The following COL22A1 variants were observed in gnomAD, a reference collection of about 807,000 sequenced individuals.
The protein encoded by COL22A1 is collagen type XXII alpha 1 chain.
In COL22A1, 221 loss-of-function variants were observed where a neutral mutation model predicts 248.9. The observed-to-expected ratio is 0.89, with a 90% CI of 0.80 to 0.99. The LOEUF is 0.99. Among genes scored for constraint, COL22A1 ranks in the 50% least tolerant of loss-of-function variants. The probability of loss-of-function intolerance (pLI) is 0.00; values close to 1 mark genes in which losing one functional copy is unlikely to be tolerated. For synonymous variants in COL22A1, 891 were observed against 793.4 expected (o/e 1.12, Z -2.07); for missense variants, 2,240 against 2,179.0 (o/e 1.03, Z -0.56).
intron 2 of COL22A1, among the ~76,000 whole-genome samples, chr8:138,882,568 A>G (rs1586957279): frequency 6.4e-5 from 1 of 15,688 alleles, no homozygotes; most frequent in Non-Finnish European, 1.2e-4. Flanking sequence ...TCACACTCCC[A>G]CACACTCCCA....
At chr8:138,739,239 T>G (rs117261216) in intron 22 of COL22A1, among the ~76,000 whole-genome samples, 1 of 152,286 alleles carries the variant, frequency 6.6e-6, no homozygotes, top group Non-Finnish European at 1.5e-5. Flanking sequence ...CTCATTTCCA[T>G]GTACTTTTTT....
intron 30 of COL22A1, among the ~76,000 whole-genome samples, chr8:138,710,353 G>A (rs1017055799): frequency 2.0e-5 from 3 of 152,160 alleles, no homozygotes; most frequent in Non-Finnish European, 4.4e-5. Flanking sequence ...TCTTGAACCA[G>A]CCCAGGACTG....
intron 10 of COL22A1, among the ~76,000 whole-genome samples, chr8:138,803,386 A>G (rs1041056054): frequency 1.1e-4 from 16 of 152,102 alleles, no homozygotes; most frequent in African/African-American, 3.9e-4. Context: ...GAAAACTTCC[A>G]AGTGTCCCAT....
intron 3 of COL22A1, among the ~76,000 whole-genome samples, chr8:138,875,343 G>A (rs1020202834): frequency 6.6e-6 from 1 of 152,048 alleles, no homozygotes; most frequent in Non-Finnish European, 1.5e-5. Flanking sequence ...ACCTCTCTGG[G>A]GTTGTCTTTG....
Position 138,822,736 on chromosome 8 carries a change from AAGAG to A in COL22A1, c.970-1329_970-1326del, listed in dbSNP as rs572727098. 4.1e-4 allele frequency among the ~76,000 whole-genome samples: 63 copies of A among 152,192 alleles called. 1 individual carries two copies. In the South Asian group the frequency reaches 0.012, roughly 29 times the overall value. ...ATTGGAATGGAGACCAGTGAGCAGG[AAGAG>A]AGAGAGTTGGAGTATTTATTCCTCC... On this transcript the variant is annotated intron_variant, in intron 6 of 64. Coordinates refer to ENST00000303045, the MANE Select transcript of COL22A1 (RefSeq NM_152888.3).
intron 58 of COL22A1, 108 bp downstream of exon 58, chr8:138,606,273 C>A: frequency 9.7e-7 from 1 of 1,027,758 alleles, no homozygotes; most frequent in South Asian, 1.5e-5. Context: ...GTCATCATGG[C>A]CTGAGCAGAC....
intron 30 of COL22A1, among the ~76,000 whole-genome samples, chr8:138,713,719 G>A (rs77643639): frequency 1.1e-4 from 17 of 148,710 alleles, no homozygotes; most frequent in Admixed American, 9.9e-4. Context: ...CACCCCCACC[G>A]CCCCGCCGTA....
At chr8:138,856,386 G>C (rs1167456604) in intron 3 of COL22A1, among the ~76,000 whole-genome samples, 1 of 150,650 alleles carries the variant, frequency 6.6e-6, no homozygotes, top group Admixed American at 6.6e-5. Context: ...TGGAGGAACA[G>C]AGAGAGAGAG....
Position 138,716,853 on chromosome 8 carries a change from T to C in COL22A1, c.2372A>G (p.Gln791Arg). The C allele has an allele frequency of 6.2e-7, 1 of 1,612,076 alleles. No homozygotes were observed. Among genetic ancestry groups the C allele is most frequent in the Non-Finnish European group, 8.5e-7 (1 of 1,178,140 alleles). ...KPGLRGEIGE[Q>R]GLAGRPGEKG... ...CTCTCCAGGTCGGCCTGCCAGGCCC[T>C]GCTCCCCAATTTCTCCCTGAAAATG... Residue 791 changes from glutamine (Q) to arginine (R), a missense_variant, in exon 28 of 65, where the codon CAG becomes CGG. Physicochemically the swap from Gln to Arg is conservative, Grantham distance 43. Coordinates refer to ENST00000303045, the MANE Select transcript of COL22A1 (RefSeq NM_152888.3).
chr8:138,834,125 A>G (rs1182162231), intron 4 of COL22A1, among the ~76,000 whole-genome samples: 1 of 152,162 alleles, frequency 6.6e-6, no homozygotes, highest in Non-Finnish European at 1.5e-5. Context: ...CTGGAGGCTA[A>G]CAGTGTGACT....
chr8:138,739,905 A>G (rs1265150846), intron 22 of COL22A1, among the ~76,000 whole-genome samples: 2 of 152,188 alleles, frequency 1.3e-5, no homozygotes, highest in South Asian at 2.1e-4. Flanking sequence ...CTGGGTCACA[A>G]TGAGTTTCTT....
chr8:138,695,730 G>A (rs1335173488), intron 32 of COL22A1, among the ~76,000 whole-genome samples: 2 of 152,080 alleles, frequency 1.3e-5, no homozygotes, highest in African/African-American at 2.4e-5. Context: ...CACATCCAGG[G>A]TGCCCAACAC....
At chr8:138,748,753 T>C (rs916915813) in intron 22 of COL22A1, among the ~76,000 whole-genome samples, 8 of 152,170 alleles carry the variant, frequency 5.3e-5, no homozygotes, top group African/African-American at 1.7e-4. Flanking sequence ...CCAAGCACCA[T>C]TGCATGGGTG....
chr8:138,714,418 C>T (rs1829273428), intron 30 of COL22A1, among the ~76,000 whole-genome samples: 1 of 152,160 alleles, frequency 6.6e-6, no homozygotes, highest in Non-Finnish European at 1.5e-5. Flanking sequence ...ATGGAGAGGA[C>T]AGAGAAGGAC....
intron 31 of COL22A1, among the ~76,000 whole-genome samples, chr8:138,702,796 T>G (rs77669297): frequency 0.04 from 6,131 of 152,310 alleles, 188 homozygotes; most frequent in East Asian, 0.13. Context: ...TATAATATTT[T>G]CTAACAGACG....
At chr8:138,811,142 C>T (rs1473683868) in intron 9 of COL22A1, among the ~76,000 whole-genome samples, 2 of 152,146 alleles carry the variant, frequency 1.3e-5, no homozygotes, top group Non-Finnish European at 2.9e-5. Context: ...AAACAAATCA[C>T]AGCCCTGGGC....
chr8:138,846,672 C>T (rs1821269320), intron 3 of COL22A1, among the ~76,000 whole-genome samples: 1 of 152,186 alleles, frequency 6.6e-6, no homozygotes, highest in Non-Finnish European at 1.5e-5. Context: ...GGTTAGCATC[C>T]ATGGCTCCTC....
chr8:138,781,295 C>T (rs1040818048), intron 12 of COL22A1, among the ~76,000 whole-genome samples: 1 of 152,130 alleles, frequency 6.6e-6, no homozygotes, highest in African/African-American at 2.4e-5. Context: ...CCTTCCTCGC[C>T]CTGGGCTTGG....
At chr8:138,791,455 C>T (rs1193800589) in intron 12 of COL22A1, among the ~76,000 whole-genome samples, 1 of 152,194 alleles carries the variant, frequency 6.6e-6, no homozygotes, top group African/African-American at 2.4e-5. Flanking sequence ...AACTTAAGGT[C>T]AATTGCAAAC....
Sources: allele counts gnomAD v4.1 joint callset (sites outside exome capture counted in the v4.1 genomes callset), GRCh38; gene constraint gnomAD v4.1.1; transcripts MANE v1.5; gene names NCBI Gene and HGNC (gene_info 2026-07-23, HGNC 2026-07-21).